B3GALT5: variants seen among roughly 807,000 people sequenced by gnomAD.
B3GALT5 encodes the protein beta-1,3-galactosyltransferase 5, also known as UDP-Gal:betaGlcNAc beta 1,3-galactosyltransferase, polypeptide 5.
For synonymous variants in B3GALT5, 156 were observed against 158.6 expected, an observed-to-expected ratio of 0.98 and a Z score of 0.12; for missense variants, 328 against 396.6, an observed-to-expected ratio of 0.83 and a Z score of 1.47.
intron 1 of B3GALT5, among the ~76,000 whole-genome samples, chr21:39,624,402 C>T (rs2079153156): frequency 6.6e-6 from 1 of 152,176 alleles, no homozygotes; most frequent in Non-Finnish European, 1.5e-5. Flanking sequence ...CAAATGCCCC[C>T]AGGCCCTACT....
chr21:39,615,029 C>A (rs772738987), intron 1 of B3GALT5, among the ~76,000 whole-genome samples: 4 of 152,342 alleles, frequency 2.6e-5, no homozygotes, highest in Non-Finnish European at 5.9e-5. Context: ...CTGGGTCCCA[C>A]CCAAGCTTCG....
rs567080627 is a variant in B3GALT5 at position 39,627,251 on chromosome 21, C to A, written c.-392+14184C>A. 1.5e-3 allele frequency among the ~76,000 whole-genome samples: 235 copies of A among 152,312 alleles called. 1 individual carries two copies. Among genetic ancestry groups the A allele is most frequent in the African/African-American group, 5.4e-3 (225 of 41,562 alleles). ...TGAGGCTCCTTTGATCTCTGGGACA[C>A]TTTCCTGTGATGCCATGAAGGGGAA... is the stretch of plus-strand genomic sequence containing the variant. On this transcript the variant is annotated intron_variant, in intron 1 of 3. Transcript: ENST00000684187.
chr21:39,621,898 A>G (rs1029492890), intron 1 of B3GALT5, among the ~76,000 whole-genome samples: 58 of 152,086 alleles, frequency 3.8e-4, no homozygotes, highest in African/African-American at 1.3e-3. Flanking sequence ...TATTCTGTGT[A>G]TCAATGACTT....
In B3GALT5 at chr21:39,672,605, G is replaced by A. The variant is rs1489391506; in HGVS notation, c.*11113G>A. The A allele has an allele frequency of 3.9e-5, 6 of 152,096 alleles. No individual in the cohort carries two copies. Among genetic ancestry groups the A allele is most frequent in the Non-Finnish European group, 8.8e-5 (6 of 68,018 alleles). The allele number at this position is 152,096 out of a possible 1,614,324, so 9.4% of individuals were successfully genotyped here. A position where few individuals can be genotyped will look rare whatever the true frequency, so the allele number is the denominator to read the frequency against. On this transcript the variant is annotated 3_prime_UTR_variant, in exon 4 of 4. Transcript: ENST00000684187. ...TTATGAAAATAATGCACTTAACTAG[G>A]TGAGTTTTAGGTTGTCGATTGATGT...
chr21:39,646,131 G>A (rs2079336782), intron 1 of B3GALT5, among the ~76,000 whole-genome samples: 1 of 152,130 alleles, frequency 6.6e-6, no homozygotes, highest in African/African-American at 2.4e-5. Flanking sequence ...TCCTGCTGGT[G>A]TGGAAAGGTG....
chr21:39,655,264 G>A (rs2146212283), intron 2 of B3GALT5, among the ~76,000 whole-genome samples: 1 of 152,364 alleles, frequency 6.6e-6, no homozygotes, highest in African/African-American at 2.4e-5. Context: ...TCAGGCAGGA[G>A]AACTTTCCTT....
At chr21:39,636,416 G>T (rs1359491100) in intron 1 of B3GALT5, among the ~76,000 whole-genome samples, 1 of 152,156 alleles carries the variant, frequency 6.6e-6, no homozygotes, top group East Asian at 1.9e-4. Flanking sequence ...GAGAAGCCAG[G>T]GAGGGATCCT....
At chr21:39,639,345 TC>T (rs2079259740) in intron 1 of B3GALT5, among the ~76,000 whole-genome samples, 3 of 120,580 alleles carry the variant, frequency 2.5e-5, no homozygotes, top group African/African-American at 6.6e-5. Flanking sequence ...TTTCTTTCTT[TC>T]TTTCCTTCCT....
In B3GALT5 at chr21:39,667,499, A is replaced by G. The variant is rs1468784594; in HGVS notation, c.*6007A>G. The G allele has an allele frequency of 6.6e-6, 1 of 152,270 alleles. No individual in the cohort carries two copies. Among genetic ancestry groups the G allele is most frequent in the Non-Finnish European group, 1.5e-5 (1 of 68,056 alleles). 9.4% of individuals were successfully genotyped at this position (152,270 alleles called of 1,614,324 possible). A position where few individuals can be genotyped will look rare whatever the true frequency, so the allele number is the denominator to read the frequency against. ...AGCATGGCCTCTGGGAATGGTAAGA[A>G]CAAGGAAGCATTGTGTGTGTGTGTG... On this transcript the variant is annotated 3_prime_UTR_variant, in exon 4 of 4. Coordinates refer to ENST00000684187, the MANE Select transcript of B3GALT5 (RefSeq NM_001356336.2).
chr21:39,616,406 G>C (rs1050162500), intron 1 of B3GALT5, among the ~76,000 whole-genome samples: 10 of 151,930 alleles, frequency 6.6e-5, no homozygotes. Context: ...TTGATTTCCT[G>C]TTCTTAGTTT....
chr21:39,646,062 C>CT (rs1230235825), intron 1 of B3GALT5, among the ~76,000 whole-genome samples: 6 of 151,824 alleles, frequency 4.0e-5, no homozygotes, highest in Admixed American at 2.0e-4. Context: ...ATTCTACATG[C>CT]TTTTTAAAAT....
intron 1 of B3GALT5, among the ~76,000 whole-genome samples, chr21:39,640,032 A>G (rs1422390588): frequency 2.0e-5 from 3 of 146,352 alleles, no homozygotes; most frequent in African/African-American, 7.5e-5. Flanking sequence ...GGCGTGGACA[A>G]GGATACCTGA....
intron 1 of B3GALT5, among the ~76,000 whole-genome samples, chr21:39,642,163 C>T (rs560022328): frequency 2.0e-5 from 3 of 152,330 alleles, no homozygotes; most frequent in Admixed American, 6.5e-5. Flanking sequence ...TTTTCCATCA[C>T]GTCCATTCAT....
chr21:39,639,400 T>TC lies in B3GALT5; in HGVS notation c.-391-6992_-391-6991insC, dbSNP rs2079265420. ...CTTCCTTCCTTCCTTCCTTCTTTCTTTTTCTTTCTTTCTTTCTTTCTTTCT... is the reference window on the plus strand; with the variant it reads ...CTTCCTTCCTTCCTTCCTTCTTTCTTCTTTCTTTCTTTCTTTCTTTCTTTCT... On this transcript the variant is annotated intron_variant, in intron 1 of 3. Coordinates refer to ENST00000684187, the MANE Select transcript of B3GALT5 (RefSeq NM_001356336.2). 7.5e-3 allele frequency among the ~76,000 whole-genome samples: 426 copies of TC among 57,094 alleles called. 12 individuals are homozygous for TC. Among genetic ancestry groups the TC allele is most frequent in the East Asian group, 0.013 (26 of 2,018 alleles). The allele number at this position is 57,094 out of a possible 152,430, so 37.5% of individuals were successfully genotyped here.
At chr21:39,640,407 T>C (rs2079280481) in intron 1 of B3GALT5, among the ~76,000 whole-genome samples, 1 of 152,136 alleles carries the variant, frequency 6.6e-6, no homozygotes, top group Non-Finnish European at 1.5e-5. Flanking sequence ...TCCCTCATGC[T>C]CCCTGGTTCA....
intron 1 of B3GALT5, among the ~76,000 whole-genome samples, chr21:39,639,346 C>CTTTCTTTT (rs1569212166): frequency 2.5e-3 from 287 of 114,438 alleles, no homozygotes; most frequent in Middle Eastern, 4.0e-3. Context: ...TTCTTTCTTT[C>CTTTCTTTT]TTTCCTTCCT....
chr21:39,643,051 C>CAA (rs34633544), intron 1 of B3GALT5, among the ~76,000 whole-genome samples: 71 of 142,504 alleles, frequency 5.0e-4, no homozygotes, highest in Middle Eastern at 3.8e-3. Flanking sequence ...GAACTTGTCT[C>CAA]AAAAAAAAAA....
At chr21:39,621,216 A>G (rs1431199477) in intron 1 of B3GALT5, among the ~76,000 whole-genome samples, 1 of 152,236 alleles carries the variant, frequency 6.6e-6, no homozygotes, top group African/African-American at 2.4e-5. Context: ...CCTTTGTCAA[A>G]TTAAGAAAGA....
At chr21:39,630,077 C>T (rs772902166) in intron 1 of B3GALT5, among the ~76,000 whole-genome samples, 5 of 152,044 alleles carry the variant, frequency 3.3e-5, no homozygotes, top group Non-Finnish European at 5.9e-5. Context: ...TGTGGGAAAA[C>T]GGTCCTAGCG....
Sources: gnomAD v4.1 joint callset for allele counts (sites outside exome capture counted in the v4.1 genomes callset) on GRCh38, gnomAD v4.1.1 for gene constraint, MANE v1.5 for transcripts, NCBI Gene and HGNC (gene_info 2026-07-23, HGNC 2026-07-21) for gene names.